Variants in WDR41 observed in about 807,000 individuals in gnomAD.
WDR41 encodes the protein WD repeat-containing protein 41.
WDR41 carries 63 observed loss-of-function variants against 69.3 expected under a neutral mutation model. The observed-to-expected ratio is 0.91, with a 90% CI of 0.74 to 1.12. The LOEUF (loss-of-function observed/expected upper bound fraction) is 1.12. Ranked by LOEUF, WDR41 falls within the 50% of genes most tolerant of loss-of-function variation. The pLI is 0.00. For missense variants in WDR41, 543 were observed against 534.5 expected (o/e 1.02, Z -0.16); for synonymous variants, 185 against 192.1 (o/e 0.96, Z 0.31).
chr5:77,563,141 A>G (rs1743555601), intron 1 of WDR41, among the ~76,000 whole-genome samples: 1 of 152,196 alleles, frequency 6.6e-6, no homozygotes, highest in Non-Finnish European at 1.5e-5. Flanking sequence ...ACATGGTAGC[A>G]GTCTCCAGGT....
At chr5:77,584,435 A>G (rs1171120309) in intron 1 of WDR41, among the ~76,000 whole-genome samples, 1 of 152,228 alleles carries the variant, frequency 6.6e-6, no homozygotes, top group South Asian at 2.1e-4. Context: ...CCTTGCAAAG[A>G]AATATTCAAA....
intron 1 of WDR41, among the ~76,000 whole-genome samples, chr5:77,574,328 A>ATAAT (rs1448315360): frequency 1.3e-5 from 2 of 151,956 alleles, no homozygotes; most frequent in East Asian, 3.9e-4. Context: ...AAATAAATAA[A>ATAAT]TAAAATTCCT....
At chr5:77,521,409 G>A (rs1802369667) in intron 1 of WDR41, among the ~76,000 whole-genome samples, 1 of 152,216 alleles carries the variant, frequency 6.6e-6, no homozygotes, top group African/African-American at 2.4e-5. Context: ...GCAGGGTACC[G>A]GTACCGGTCT....
At chr5:77,513,920 A>G (rs191175949) in intron 1 of WDR41, among the ~76,000 whole-genome samples, 2 of 152,250 alleles carry the variant, frequency 1.3e-5, no homozygotes, top group Admixed American at 1.3e-4. Context: ...GGCTTTTCTT[A>G]GGCAATGACT....
intron 1 of WDR41, among the ~76,000 whole-genome samples, chr5:77,566,741 T>G (rs10063453): frequency 0.18 from 27,103 of 152,058 alleles, 3,315 homozygotes; most frequent in East Asian, 0.38. Flanking sequence ...AAGTGACTTG[T>G]TTTTTATGTT....
At position 77,440,854 on chromosome 5, in the gene WDR41, ATTTTTGACAGAGT is replaced by A; in HGVS notation, c.828_840del (p.Lys276AsnfsTer32). The A allele has an allele frequency of 1.9e-6, 3 of 1,614,122 alleles. No homozygotes were observed. Among genetic ancestry groups the A allele is most frequent in the Non-Finnish European group, 2.5e-6 (3 of 1,180,002 alleles). On this transcript the variant is annotated frameshift_variant, in exon 9 of 13. Transcript: ENST00000296679. LOFTEE classifies it high-confidence loss of function. ...AAATGATGAATAGAAATGTCATTTG[ATTTTTGACAGAGT>A]TTTATTTCTTGTTGGGTGTCCAGTT... is the stretch of plus-strand genomic sequence containing the variant.
At chr5:77,597,913 G>T (rs1450742522) in intron 1 of WDR41, among the ~76,000 whole-genome samples, 1 of 152,190 alleles carries the variant, frequency 6.6e-6, no homozygotes, top group Admixed American at 6.5e-5. Flanking sequence ...CAGAGAGGAG[G>T]TGATGGGAAA....
At chr5:77,559,983 G>A (rs954515210) in intron 1 of WDR41, among the ~76,000 whole-genome samples, 3 of 151,774 alleles carry the variant, frequency 2.0e-5, no homozygotes, top group Admixed American at 6.6e-5. Context: ...ACACAAGGTA[G>A]GAAAGGAAAA....
At chr5:77,586,062 G>T (rs548717789) in intron 1 of WDR41, among the ~76,000 whole-genome samples, 21 of 152,186 alleles carry the variant, frequency 1.4e-4, no homozygotes, top group African/African-American at 5.1e-4. Flanking sequence ...CATAAGCCAT[G>T]CAAGTATATA....
At chr5:77,503,002 T>G (rs1401768705) in intron 1 of WDR41, among the ~76,000 whole-genome samples, 1 of 152,092 alleles carries the variant, frequency 6.6e-6, no homozygotes, top group Non-Finnish European at 1.5e-5. Context: ...ATGGATCATA[T>G]TCACACATAA....
intron 1 of WDR41, among the ~76,000 whole-genome samples, chr5:77,536,542 G>C (rs1237240039): frequency 1.3e-5 from 2 of 152,150 alleles, no homozygotes; most frequent in Non-Finnish European, 2.9e-5. Context: ...AGGGGCTTAA[G>C]AGTTAAGTAC....
At position 77,437,360 on chromosome 5, in the gene WDR41, G is replaced by A; in HGVS notation, c.1069C>T (p.Leu357Phe). The A allele has an allele frequency of 6.2e-7, 1 of 1,613,908 alleles. No homozygotes were observed. The highest frequency in any genetic ancestry group is 8.5e-7 in the Non-Finnish European group (1 of 1,179,888). Reference sequence around the variant, plus strand: ...CCTGTTGGTACAGGCTCAGCTGCAAGCTGCTGTTTTTCTCTTAACTCCCAA... The same window carrying A: ...CCTGTTGGTACAGGCTCAGCTGCAAACTGCTGTTTTTCTCTTAACTCCCAA... ...RIWELREKQQ[L>F]AAEPVPTGFF... Residue 357 changes from leucine to phenylalanine, a missense_variant, in exon 11 of 13, where the codon CTT becomes TTT. Coordinates refer to ENST00000296679, the MANE Select transcript of WDR41 (RefSeq NM_018268.4).
chr5:77,598,656 G>GT lies in WDR41; in HGVS notation c.42+21822dup, dbSNP rs201617182. 2.3e-4 allele frequency among the ~76,000 whole-genome samples: 26 copies of GT among 113,512 alleles called. No homozygotes were observed. In the East Asian group the frequency reaches 9.1e-3, roughly 40 times the overall value. The allele number at this position is 113,512 out of a possible 152,430, so 74.5% of individuals were successfully genotyped here. A position where few individuals can be genotyped will look rare whatever the true frequency, so the allele number is the denominator to read the frequency against. ...ATCAGTAAGTTTCCTTTTTTTTTTT[G>GT]TTTTTTTTGTAGCTTAGCTTGAGTT... On this transcript the variant is annotated intron_variant, in intron 1 of 5. Transcript: ENST00000509971.
intron 5 of WDR41, 67 bp downstream of exon 5, chr5:77,458,995 C>G: frequency 8.3e-7 from 1 of 1,209,294 alleles, no homozygotes; most frequent in South Asian, 1.4e-5. Flanking sequence ...TCGTCTAACT[C>G]TTTAAACCAT....
intron 1 of WDR41, among the ~76,000 whole-genome samples, chr5:77,503,190 C>CAAAAAAAAAAA (rs144057313): frequency 2.7e-5 from 2 of 74,324 alleles, no homozygotes; most frequent in Admixed American, 1.6e-4. Context: ...AAATGGAAAG[C>CAAAAAAAAAAA]AAAAAAAAAA....
chr5:77,476,198 T>A (rs1165233374), intron 2 of WDR41, among the ~76,000 whole-genome samples: 1 of 152,148 alleles, frequency 6.6e-6, no homozygotes, highest in East Asian at 1.9e-4. Flanking sequence ...TACGTCTGAC[T>A]GGTGTAACTG....
chr5:77,611,788 A>C (rs989984699), intron 1 of WDR41, among the ~76,000 whole-genome samples: 8 of 151,210 alleles, frequency 5.3e-5, no homozygotes, highest in Non-Finnish European at 7.4e-5. Context: ...AAATAACTAA[A>C]ATCAGAGCAG....
At chr5:77,509,316 A>G (rs916913204) in intron 1 of WDR41, among the ~76,000 whole-genome samples, 1 of 152,112 alleles carries the variant, frequency 6.6e-6, no homozygotes, top group Non-Finnish European at 1.5e-5. Flanking sequence ...ATTCCCTGGA[A>G]TTCCCCTTTG....
At chr5:77,451,081 A>C (rs1257934280) in intron 7 of WDR41, among the ~76,000 whole-genome samples, 1 of 152,192 alleles carries the variant, frequency 6.6e-6, no homozygotes, top group African/African-American at 2.4e-5. Context: ...TGTTTAACCA[A>C]GCTAACATAC....
Sources: allele counts gnomAD v4.1 joint callset (sites outside exome capture counted in the v4.1 genomes callset), GRCh38; gene constraint gnomAD v4.1.1; transcripts MANE v1.5; gene names NCBI Gene and HGNC (gene_info 2026-07-23, HGNC 2026-07-21).